The following SCARF1 variants were observed in gnomAD, a reference collection of about 807,000 sequenced individuals.
SCARF1 encodes scavenger receptor class F member 1.
SCARF1 carries 49 observed loss-of-function variants against 76.3 expected under a neutral mutation model. That is an observed-to-expected ratio of 0.64 (90% confidence interval 0.51 to 0.81). SCARF1 has a LOEUF of 0.81. Among genes scored for constraint, SCARF1 ranks in the 40% least tolerant of loss-of-function variants. The probability of loss-of-function intolerance (pLI) is 0.00; values close to 1 mark genes in which losing one functional copy is unlikely to be tolerated. For missense variants in SCARF1, 1,098 were observed against 1,143.9 expected (o/e 0.96, Z 0.58); for synonymous variants, 495 against 474.6 (o/e 1.04, Z -0.56).
In SCARF1 at chr17:1,636,818, G is replaced by T; in HGVS notation, c.1524C>A (p.Ser508Arg). 1 of 1,614,020 alleles carries T rather than the reference G, an allele frequency of 6.2e-7. No homozygotes were observed. The highest frequency in any genetic ancestry group is 8.5e-7 in the Non-Finnish European group (1 of 1,180,002). The change falls in exon 10 of 11, where the codon AGC becomes AGA. Residue 508 changes from serine (S) to arginine (R), a missense_variant. Physicochemically the swap from Ser to Arg is moderately radical, Grantham distance 110. Coordinates refer to ENST00000263071, the MANE Select transcript of SCARF1 (RefSeq NM_003693.4). Reference protein sequence around the residue: ...HHDPEVPFNHSFIEPPSAGWA... With the variant: ...HHDPEVPFNHRFIEPPSAGWA... Reference sequence around the variant, plus strand: ...AGCCGGCAGAGGGCGGCTCGATGAAGCTGTGGTTGAAGGGGACCTCCGGGT... The same window carrying T: ...AGCCGGCAGAGGGCGGCTCGATGAATCTGTGGTTGAAGGGGACCTCCGGGT...
rs1178444420 is a variant in SCARF1, at chr17:1,644,748, G to A, written c.265+86C>T. The stretch of plus-strand genomic sequence containing the variant: ...ATTCTGGCCCTGCTGTCCTGAGGCT[G>A]CATGGCTACCTGCCTCGCCTGCTCC... On this transcript the variant is annotated intron_variant, in intron 3 of 10. Coordinates refer to ENST00000263071, the MANE Select transcript of SCARF1 (RefSeq NM_003693.4). The surrounding 1 kb of genome is among the most constrained non-coding windows in gnomAD (Gnocchi z 4.8). The A allele has an allele frequency of 1.5e-6, 2 of 1,297,188 alleles. No individual in the cohort carries two copies. The highest frequency in any genetic ancestry group is 2.5e-5 in the South Asian group (2 of 79,316). The allele number at this position is 1,297,188 out of a possible 1,614,324, so 80.4% of individuals were successfully genotyped here.
At position 1,643,554 on chromosome 17, in the gene SCARF1, G is replaced by T; in HGVS notation, c.679C>A (p.Arg227=). 1 of 1,455,084 alleles carries T rather than the reference G, an allele frequency of 6.9e-7. No individual in the cohort carries two copies. The highest frequency in any genetic ancestry group is 1.5e-5 in the African/African-American group (1 of 67,576). 90.1% of individuals were successfully genotyped at this position (1,455,084 alleles called of 1,614,324 possible). A position where few individuals can be genotyped will look rare whatever the true frequency, so the allele number is the denominator to read the frequency against. The change falls in exon 4 of 11, where the codon CGG becomes AGG. Residue 227 remains arginine (R), a synonymous_variant. Coordinates refer to ENST00000263071, the MANE Select transcript of SCARF1 (RefSeq NM_003693.4). ...CCGGAGGCGGCGCTGCAGCGGCCCC[G>T]CACACACTCGCACTGCTGCTGGCAT... is the stretch of plus-strand genomic sequence containing the variant. ...PECQQQCECV[R]GRCSAASGEC...
chr17:1,640,784 C>T lies in SCARF1; in HGVS notation c.792-118G>A. 1 of 908,238 alleles carries T rather than the reference C, an allele frequency of 1.1e-6. No individual in the cohort carries two copies. The allele number at this position is 908,238 out of a possible 1,614,324, so 56.3% of individuals were successfully genotyped here. A position where few individuals can be genotyped will look rare whatever the true frequency, so the allele number is the denominator to read the frequency against. On this transcript the variant is annotated intron_variant, in intron 4 of 10. Transcript: ENST00000263071. The surrounding 1 kb of genome is among the most constrained non-coding windows in gnomAD (Gnocchi z 4.7). ...GCCCTGGAGAGTGTTCGGGTCCCAC[C>T]TGGGTCAGGCAGGTTTGAGCCTCAG...
chr17:1,639,926 G>A lies in SCARF1; in HGVS notation c.1125C>T (p.Gly375=), dbSNP rs767741021. 1.2e-4 allele frequency: 190 copies of A among 1,613,682 alleles called. No individual in the cohort carries two copies. Among genetic ancestry groups the A allele is most frequent in the Non-Finnish European group, 1.5e-4 (173 of 1,179,866 alleles). ...CCCATCCTTACCTGGGCCCCCAGTAGCCGGCACTGCAGACACAGTCCCCTG... is the reference window on the plus strand; with the variant it reads ...CCCATCCTTACCTGGGCCCCCAGTAACCGGCACTGCAGACACAGTCCCCTG... The part of the protein sequence containing the change: ...TVTGDCVCSA[G]YWGPSCNASC... Residue 375 remains glycine (G), a synonymous_variant, in exon 6 of 11, where the codon GGC becomes GGT. Coordinates refer to ENST00000263071, the MANE Select transcript of SCARF1 (RefSeq NM_003693.4).
Position 1,644,682 on chromosome 17 carries a change from T to A in SCARF1, c.265+152A>T. The A allele has an allele frequency of 1.4e-6, 1 of 737,976 alleles. No homozygotes were observed. Among genetic ancestry groups the A allele is most frequent in the Non-Finnish European group, 2.3e-6 (1 of 444,308 alleles). 45.7% of individuals were successfully genotyped at this position (737,976 alleles called of 1,614,324 possible). On this transcript the variant is annotated intron_variant, in intron 3 of 10. Coordinates refer to ENST00000263071, the MANE Select transcript of SCARF1 (RefSeq NM_003693.4). The surrounding 1 kb of genome is among the most constrained non-coding windows in gnomAD (Gnocchi z 4.8). Reference sequence around the variant, plus strand: ...TCATCTCCCGGGAGTGTGTGTCACTTCCTGTCTCTGGACCGCAATTCCTCA... The same window carrying A: ...TCATCTCCCGGGAGTGTGTGTCACTACCTGTCTCTGGACCGCAATTCCTCA...
At position 1,643,603 on chromosome 17, in the gene SCARF1, G is replaced by T; in HGVS notation, c.630C>A (p.Cys210Ter). ...PCEQDSGRCA[C>*]RPGWWGPECQ... is the part of the protein sequence containing the mutation. ...ATTCGGGACCCCACCAGCCCGGCCG[G>T]CAGGCGCAGCGGCCGGAGTCCTGCT... Residue 210 changes from cysteine to a stop codon, truncating the protein, a stop_gained, in exon 4 of 11, where the codon TGC becomes TGA. Transcript: ENST00000263071. LOFTEE classifies it high-confidence loss of function. 1 of 1,473,866 alleles carries T rather than the reference G, an allele frequency of 6.8e-7. No homozygotes were observed. Among genetic ancestry groups the T allele is most frequent in the Non-Finnish European group, 8.9e-7 (1 of 1,120,308 alleles). 91.3% of individuals were successfully genotyped at this position (1,473,866 alleles called of 1,614,324 possible).
intron 4 of SCARF1, among the ~76,000 whole-genome samples, chr17:1,641,773 G>A (rs183795780): frequency 3.9e-5 from 6 of 152,246 alleles, no homozygotes; most frequent in Admixed American, 2.0e-4. Flanking sequence ...CCAGGCTGGC[G>A]TGCAGTGGCG....
Position 1,640,567 on chromosome 17 carries a change from G to A in SCARF1, c.891C>T (p.Cys297=), listed in dbSNP as rs1421170491. Residue 297 remains cysteine, a synonymous_variant, in exon 5 of 11, where the codon TGC becomes TGT. Transcript: ENST00000263071. The surrounding 1 kb of genome is among the most constrained non-coding windows in gnomAD (Gnocchi z 4.7). ...GWNGTQCQQP[C]LPGTFGESCE... ...AGCTCTCGCCAAAGGTGCCAGGCAG[G>A]CAGGGCTGCTGGCACTGGGTCCCGT... is the stretch of plus-strand genomic sequence containing the variant. The A allele has an allele frequency of 6.2e-7, 1 of 1,610,918 alleles. No homozygotes were observed. The highest frequency in any genetic ancestry group is 2.2e-5 in the East Asian group (1 of 44,832).
At chr17:1,638,021 C>G (rs1481592078) in intron 8 of SCARF1, 1 of 152,200 alleles carries the variant, frequency 6.6e-6, no homozygotes, top group Non-Finnish European at 1.5e-5. Context: ...AGGGCAGGAA[C>G]TAGTAAGAGA....
chr17:1,637,332 CTATCT>C (rs1461459741), intron 8 of SCARF1, among the ~76,000 whole-genome samples: 26 of 43,348 alleles, frequency 6.0e-4, no homozygotes, highest in Non-Finnish European at 1.5e-3. Flanking sequence ...CAGATCCTAT[CTATCT>C]ATCTATCTAT....
rs753776108 is a variant in SCARF1, at chr17:1,640,618, G to A, written c.840C>T (p.Ser280=). The change falls in exon 5 of 11, where the codon AGC becomes AGT. Residue 280 remains serine, a synonymous_variant. Coordinates refer to ENST00000263071, the MANE Select transcript of SCARF1 (RefSeq NM_003693.4). The surrounding 1 kb of genome is among the most constrained non-coding windows in gnomAD (Gnocchi z 4.7). ...TCCAGCCCGGCTCGCAGGACTCACA[G>A]CTGCCTGTGTCTGGAGAGCACGGCT... ...HNEPCSPDTG[S]CESCEPGWNG... 1 of 1,612,506 alleles carries A rather than the reference G, an allele frequency of 6.2e-7. No homozygotes were observed. The highest frequency in any genetic ancestry group is 8.5e-7 in the Non-Finnish European group (1 of 1,179,766).
chr17:1,638,584 T>A, intron 8 of SCARF1: 1 of 371,474 alleles, frequency 2.7e-6, no homozygotes, highest in Non-Finnish European at 4.6e-6. Flanking sequence ...CACTGCCAAC[T>A]ACCTCCATCA....
chr17:1,640,983 TGCCAG>T lies in SCARF1; in HGVS notation c.792-322_792-318del, dbSNP rs1403962523. Among the ~76,000 whole-genome samples, 1 of 152,210 alleles carries T rather than the reference TGCCAG, an allele frequency of 6.6e-6. No homozygotes were observed. Among genetic ancestry groups the T allele is most frequent in the East Asian group, 1.9e-4 (1 of 5,204 alleles). On this transcript the variant is annotated intron_variant, in intron 4 of 10. Transcript: ENST00000263071. The surrounding 1 kb of genome is among the most constrained non-coding windows in gnomAD (Gnocchi z 4.7). Reference sequence around the variant, plus strand: ...AGCTCTGAGTCCCATTTGCGAGGTCTGCCAGGCCTTCCCTCCTGCTCTTTTCACTT... The same window carrying T: ...AGCTCTGAGTCCCATTTGCGAGGTCTGCCTTCCCTCCTGCTCTTTTCACTT...
At chr17:1,635,993 C>T (rs1909527533) in intron 10 of SCARF1, among the ~76,000 whole-genome samples, 1 of 152,086 alleles carries the variant, frequency 6.6e-6, no homozygotes, top group African/African-American at 2.4e-5. Context: ...AAAACTCTTT[C>T]GATGGCACAC....
chr17:1,637,848 A>T lies in SCARF1; in HGVS notation c.1365-786T>A, dbSNP rs146199991. Among the ~76,000 whole-genome samples, 802 of 152,018 alleles carry T rather than the reference A, an allele frequency of 5.3e-3. 3 individuals are homozygous for T. Among genetic ancestry groups the T allele is most frequent in the Non-Finnish European group, 9.8e-3 (665 of 67,954 alleles). ...TGCTCTACCCCCACATGTGGAGGAG[A>T]CTGCTCTGCTCTTCACTGTTCCTCC... On this transcript the variant is annotated intron_variant, in intron 8 of 10. Coordinates refer to ENST00000263071, the MANE Select transcript of SCARF1 (RefSeq NM_003693.4).
Position 1,640,775 on chromosome 17 carries a change from G to A in SCARF1, c.792-109C>T, listed in dbSNP as rs564980555. On this transcript the variant is annotated intron_variant, in intron 4 of 10. Transcript: ENST00000263071. The surrounding 1 kb of genome is among the most constrained non-coding windows in gnomAD (Gnocchi z 4.7). ...CCTTCGGGGGCCCTGGAGAGTGTTC[G>A]GGTCCCACCTGGGTCAGGCAGGTTT... 31 of 1,023,418 alleles carry A rather than the reference G, an allele frequency of 3.0e-5. No homozygotes were observed. The highest frequency in any genetic ancestry group is 2.2e-4 in the African/African-American group (14 of 62,920). The allele number at this position is 1,023,418 out of a possible 1,614,324, so 63.4% of individuals were successfully genotyped here.
rs528245900 is a variant in SCARF1, at chr17:1,640,368, G to T, written c.1010+80C>A. On this transcript the variant is annotated intron_variant, in intron 5 of 10. Transcript: ENST00000263071. The surrounding 1 kb of genome is among the most constrained non-coding windows in gnomAD (Gnocchi z 4.7). ...CGCATGAACCTGTGTGTCGGGGAGGGTGGTGCTCTCGGAGAGAGCCGCTGA... is the reference window on the plus strand; with the variant it reads ...CGCATGAACCTGTGTGTCGGGGAGGTTGGTGCTCTCGGAGAGAGCCGCTGA... 4.7e-6 allele frequency: 6 copies of T among 1,281,166 alleles called. No homozygotes were observed. In the Admixed American group the frequency reaches 1.3e-4, roughly 27 times the overall value. 79.4% of individuals were successfully genotyped at this position (1,281,166 alleles called of 1,614,324 possible). A position where few individuals can be genotyped will look rare whatever the true frequency, so the allele number is the denominator to read the frequency against.
chr17:1,643,430 C>T lies in SCARF1; in HGVS notation c.791+12G>A, dbSNP rs1910249118. The T allele has an allele frequency of 9.8e-6, 12 of 1,230,084 alleles. No individual in the cohort carries two copies. The highest frequency in any genetic ancestry group is 1.2e-5 in the Non-Finnish European group (12 of 986,700). The allele number at this position is 1,230,084 out of a possible 1,614,324, so 76.2% of individuals were successfully genotyped here. A position where few individuals can be genotyped will look rare whatever the true frequency, so the allele number is the denominator to read the frequency against. Reference sequence around the variant, plus strand: ...CCCCGCCAGCCCACCTGTCCCCGCCCCGCCCGCTCACCTGTGTGCGCACTG... The same window carrying T: ...CCCCGCCAGCCCACCTGTCCCCGCCTCGCCCGCTCACCTGTGTGCGCACTG... On this transcript the variant is annotated intron_variant, in intron 4 of 10. Coordinates refer to ENST00000263071, the MANE Select transcript of SCARF1 (RefSeq NM_003693.4).
chr17:1,640,698 G>C lies in SCARF1; in HGVS notation c.792-32C>G, dbSNP rs545180829. The C allele has an allele frequency of 1.8e-5, 28 of 1,589,198 alleles. No individual in the cohort carries two copies. Among genetic ancestry groups the C allele is most frequent in the Admixed American group, 8.5e-5 (5 of 58,596 alleles). ...AGAGAAGGGCTTCGTGGGAACAGTGGGGGTGGATGGATGGAGCGCCCACCC... is the reference window on the plus strand; with the variant it reads ...AGAGAAGGGCTTCGTGGGAACAGTGCGGGTGGATGGATGGAGCGCCCACCC... On this transcript the variant is annotated intron_variant, in intron 4 of 10. Coordinates refer to ENST00000263071, the MANE Select transcript of SCARF1 (RefSeq NM_003693.4). The surrounding 1 kb of genome is among the most constrained non-coding windows in gnomAD (Gnocchi z 4.7).
Sources: gnomAD v4.1 joint callset for allele counts (sites outside exome capture counted in the v4.1 genomes callset) on GRCh38, gnomAD v4.1.1 for gene constraint, Gnocchi (gnomAD v3.1) non-coding constraint, MANE v1.5 for transcripts, NCBI Gene and HGNC (gene_info 2026-07-23, HGNC 2026-07-21) for gene names.